The following MYOM3 variants were observed in gnomAD, a reference collection of about 807,000 sequenced individuals.
The protein encoded by MYOM3 is myomesin 3, also known as myomesin-3.
Under a neutral mutation model 191.7 loss-of-function variants are expected in MYOM3, and 155 were observed. That is an observed-to-expected ratio of 0.81 (90% CI 0.71 to 0.92). MYOM3 has a LOEUF of 0.92. MYOM3 is among the 40% of genes least tolerant of loss of function. The pLI is 0.00. For synonymous variants in MYOM3, 757 were observed against 762.9 expected (o/e 0.99, Z 0.13); for missense variants, 1,889 against 1,890.6 (o/e 1.00, Z 0.02).
intron 29 of MYOM3, 75 bp downstream of exon 29, chr1:24,065,816 C>A: frequency 8.6e-7 from 1 of 1,164,662 alleles, no homozygotes; most frequent in Non-Finnish European, 1.3e-6. Context: ...CCCTGACTCC[C>A]AGCCCAGAGC....
chr1:24,097,119 C>T (rs4649184), intron 7 of MYOM3, among the ~76,000 whole-genome samples: 44,590 of 152,036 alleles, frequency 0.29, 6,888 homozygotes, highest in Admixed American at 0.35. Flanking sequence ...CCAGGAGGGG[C>T]CCAAGCCCAG....
chr1:24,095,792 A>G (rs1643875720), intron 7 of MYOM3, among the ~76,000 whole-genome samples: 1 of 152,106 alleles, frequency 6.6e-6, no homozygotes, highest in Non-Finnish European at 1.5e-5. Context: ...TGCCCCCAGG[A>G]TTATGCACTG....
intron 16 of MYOM3, 198 bp downstream of exon 16, chr1:24,084,270 C>T: frequency 1.7e-6 from 1 of 590,130 alleles, no homozygotes; most frequent in Non-Finnish European, 3.0e-6. Context: ...CTGCTCCCGC[C>T]ATGTAAGACA....
chr1:24,094,950 C>T lies in MYOM3; in HGVS notation c.831G>A (p.Leu277=). The T allele has an allele frequency of 3.7e-6, 6 of 1,614,058 alleles. No individual in the cohort carries two copies. Among genetic ancestry groups the T allele is most frequent in the South Asian group, 1.1e-5 (1 of 91,056 alleles). Residue 277 remains leucine, a synonymous_variant, in exon 9 of 37, where the codon CTG becomes CTA. Coordinates refer to ENST00000374434, the MANE Select transcript of MYOM3 (RefSeq NM_152372.4). The part of the protein sequence containing the change: ...FGPSVEFTSV[L]KPVFAREKEP... Reference sequence around the variant, plus strand: ...CCTTCTCACGAGCAAAGACTGGCTTCAGCACCGAGGTGAATTCCACGCTGG... The same window carrying T: ...CCTTCTCACGAGCAAAGACTGGCTTTAGCACCGAGGTGAATTCCACGCTGG...
Position 24,062,077 on chromosome 1 carries a change from C to T in MYOM3, c.3803G>A (p.Arg1268Lys), listed in dbSNP as rs755699689. The T allele has an allele frequency of 6.2e-7, 1 of 1,614,134 alleles. No homozygotes were observed. Among genetic ancestry groups the T allele is most frequent in the East Asian group, 2.2e-5 (1 of 44,876 alleles). ...DKRLESGDRI[R>K]TGTTLDEIWL... ...GATCTCATCCAGGGTGGTGCCCGTC[C>T]TTATCCGATCACCACTCTCCAGACG... Residue 1268 changes from arginine (R) to lysine (K), a missense_variant, in exon 33 of 37, where the codon AGG becomes AAG. Coordinates refer to ENST00000374434, the MANE Select transcript of MYOM3 (RefSeq NM_152372.4).
rs367603089 is a variant in MYOM3, at chr1:24,082,011, C to T, written c.2270G>A (p.Arg757Gln). 69 of 1,609,632 alleles carry T rather than the reference C, an allele frequency of 4.3e-5. No homozygotes were observed. The highest frequency in any genetic ancestry group is 3.5e-4 in the African/African-American group (26 of 74,976). The change falls in exon 18 of 37, where the codon CGG becomes CAG. Residue 757 changes from arginine (R) to glutamine (Q), a missense_variant. By Grantham distance (43) the Arg-to-Gln change is conservative (BLOSUM62 1). Coordinates refer to ENST00000374434, the MANE Select transcript of MYOM3 (RefSeq NM_152372.4). Reference sequence around the variant, plus strand: ...ACCTTCCAGCCCTACCTTGCAGACCCGGGTGGGGATGGGCTGCTGATTGAC... The same window carrying T: ...ACCTTCCAGCCCTACCTTGCAGACCTGGGTGGGGATGGGCTGCTGATTGAC... ...HAVNQQPIPT[R>Q]VCKVSDLHEG...
rs1643410468 is a variant in MYOM3 at position 24,064,410 on chromosome 1, G to A, written c.3535-251C>T. On this transcript the variant is annotated intron_variant, in intron 29 of 36. Coordinates refer to ENST00000374434, the MANE Select transcript of MYOM3 (RefSeq NM_152372.4). ...CTGGGGAAGGGGTGGAGTAGGGGGAGTTGAGGACAGAACCAGACACCTTCG... is the reference window on the plus strand; with the variant it reads ...CTGGGGAAGGGGTGGAGTAGGGGGAATTGAGGACAGAACCAGACACCTTCG... 8.2e-6 allele frequency: 4 copies of A among 486,338 alleles called. 1 individual carries two copies. Among genetic ancestry groups the A allele is most frequent in the South Asian group, 4.9e-5 (2 of 41,230 alleles). 30.1% of individuals were successfully genotyped at this position (486,338 alleles called of 1,614,324 possible).
chr1:24,075,438 G>A lies in MYOM3; in HGVS notation c.2739C>T (p.Gly913=), dbSNP rs200859373. 43 of 1,603,358 alleles carry A rather than the reference G, an allele frequency of 2.7e-5. No individual in the cohort carries two copies. The highest frequency in any genetic ancestry group is 6.8e-6 in the Non-Finnish European group (8 of 1,176,416). Reference sequence around the variant, plus strand: ...GGGCTTCAAAAGCCAAATAGATAAAGCCCTCTTCATCCACACCAACCTCGA... The same window carrying A: ...GGGCTTCAAAAGCCAAATAGATAAAACCCTCTTCATCCACACCAACCTCGA... ...HEIEVGVDEE[G]FIYLAFEAPE... is the part of the protein sequence containing the mutation. The change falls in exon 22 of 37, where the codon GGC becomes GGT. Residue 913 remains glycine, a synonymous_variant. Transcript: ENST00000374434.
intron 18 of MYOM3, 49 bp from the exon 19 acceptor site, chr1:24,081,505 G>A: frequency 1.2e-6 from 2 of 1,600,742 alleles, no homozygotes; most frequent in African/African-American, 2.7e-5. Context: ...GAGGAGGGAT[G>A]GGGAACAGAA....
In MYOM3 at chr1:24,105,077, C is replaced by CCTGCCT. The variant is rs1643970838; in HGVS notation, c.560+842_560+843insAGGCAG. Among the ~76,000 whole-genome samples the CCTGCCT allele has an allele frequency of 1.3e-5, 2 of 152,140 alleles. 1 individual carries two copies. The highest frequency in any genetic ancestry group is 2.9e-5 in the Non-Finnish European group (2 of 68,016). On this transcript the variant is annotated intron_variant, in intron 5 of 36. Coordinates refer to ENST00000374434, the MANE Select transcript of MYOM3 (RefSeq NM_152372.4). Reference sequence around the variant, plus strand: ...TGTGCCTGTGCAGGAGACCCCTGCCCCTGCCCCTGCCCCGCCCCTCCCCAG... The same window carrying CCTGCCT: ...TGTGCCTGTGCAGGAGACCCCTGCCCCTGCCTCTGCCCCTGCCCCGCCCCTCCCCAG...
intron 1 of MYOM3, among the ~76,000 whole-genome samples, chr1:24,109,080 T>G (rs1306369600): frequency 6.6e-6 from 1 of 152,230 alleles, no homozygotes; most frequent in Non-Finnish European, 1.5e-5. Context: ...GGCGTCCCCA[T>G]TCTTCCTGCA....
At position 24,089,563 on chromosome 1, in the gene MYOM3, G is replaced by T; in HGVS notation, c.1589C>A (p.Ala530Glu). The change falls in exon 14 of 37, where the codon GCA (alanine) becomes GAA (glutamate). Residue 530 changes from alanine to glutamate, a missense_variant. Ala to Glu is a moderately radical substitution (Grantham distance 107, BLOSUM62 -1). Coordinates refer to ENST00000374434, the MANE Select transcript of MYOM3 (RefSeq NM_152372.4). ...CTTCTCCAGGGAGTACGTCAGTGGT[G>T]CTCTGTCCCGGGGGCTGGGCTCCTC... ...AWEEPSPRDR[A>E]PLTYSLEKSV... The T allele has an allele frequency of 6.2e-7, 1 of 1,601,474 alleles. No homozygotes were observed. Among genetic ancestry groups the T allele is most frequent in the Admixed American group, 1.7e-5 (1 of 58,260 alleles).
chr1:24,061,489 A>G (rs1332899424), intron 33 of MYOM3, among the ~76,000 whole-genome samples, 180 bp from the exon 34 acceptor site: 2 of 152,150 alleles, frequency 1.3e-5, no homozygotes, highest in African/African-American at 2.4e-5. Context: ...TCAGAAGACC[A>G]TGGGATTTTC....
intron 29 of MYOM3, among the ~76,000 whole-genome samples, chr1:24,064,446 C>T (rs778041650): frequency 1.3e-5 from 2 of 152,192 alleles, no homozygotes; most frequent in Non-Finnish European, 1.5e-5. Flanking sequence ...TTTGCATTCA[C>T]AGGCAGCTGC....
rs534387919 is a variant in MYOM3 at position 24,097,976 on chromosome 1, C to A, written c.692G>T (p.Arg231Leu). The A allele has an allele frequency of 4.3e-6, 7 of 1,613,846 alleles. No homozygotes were observed. In the African/African-American group the frequency reaches 9.3e-5, roughly 22 times the overall value. ...AIEDSATYTV[R>L]VKNAHGQASS... ...GGCCTGGCCGTGGGCGTTCTTCACT[C>A]GCACAGTGTAAGTTGCTGAGTCCTC... Residue 231 changes from arginine to leucine, a missense_variant, in exon 7 of 37, where the codon CGA becomes CTA. Coordinates refer to ENST00000374434, the MANE Select transcript of MYOM3 (RefSeq NM_152372.4).
Position 24,111,828 on chromosome 1 carries a change from G to A in MYOM3, c.-19+203C>T, listed in dbSNP as rs998847761. 6.6e-6 allele frequency among the ~76,000 whole-genome samples: 1 copy of A among 152,004 alleles called. No homozygotes were observed. The highest frequency in any genetic ancestry group is 1.5e-5 in the Non-Finnish European group (1 of 67,992). On this transcript the variant is annotated intron_variant, in intron 1 of 36. Coordinates refer to ENST00000374434, the MANE Select transcript of MYOM3 (RefSeq NM_152372.4). This position sits in a 1 kb window ranked among gnomAD's most constrained non-coding sequence, Gnocchi z 4.7. Reference sequence around the variant, plus strand: ...CACACAGAACAGTGGGATGGGGCAGGGGTTTCTGGAATCCCCTCCCATTTT... The same window carrying A: ...CACACAGAACAGTGGGATGGGGCAGAGGTTTCTGGAATCCCCTCCCATTTT...
intron 1 of MYOM3, among the ~76,000 whole-genome samples, chr1:24,109,687 G>A (rs1034132500): frequency 1.3e-5 from 2 of 152,144 alleles, no homozygotes; most frequent in African/African-American, 4.8e-5. Flanking sequence ...CCCAAATGAG[G>A]ACAGCACCAT....
chr1:24,066,549 G>T (rs1244056330), intron 28 of MYOM3: 4 of 411,824 alleles, frequency 9.7e-6, no homozygotes. Context: ...AGATAGACTT[G>T]TTCAAACCTG....
chr1:24,076,402 G>T, intron 20 of MYOM3, 129 bp from the exon 21 acceptor site: 1 of 649,718 alleles, frequency 1.5e-6, no homozygotes. Flanking sequence ...ATCTTTCCAT[G>T]TGACAAAGAT....
Sources: allele counts gnomAD v4.1 joint callset (sites outside exome capture counted in the v4.1 genomes callset), GRCh38; gene constraint gnomAD v4.1.1; non-coding constraint Gnocchi (gnomAD v3.1); transcripts MANE v1.5; gene names NCBI Gene and HGNC (gene_info 2026-07-23, HGNC 2026-07-21).